ARHGAP15: variants seen among roughly 807,000 people sequenced by gnomAD.
ARHGAP15 encodes Rho GTPase activating protein 15.
Under a neutral mutation model 63.7 loss-of-function variants are expected in ARHGAP15, and 51 were observed. The observed-to-expected ratio is 0.80, with a 90% CI of 0.64 to 1.01. The LOEUF (loss-of-function observed/expected upper bound fraction) is 1.01. Ranked by LOEUF, ARHGAP15 falls within the 50% of genes least tolerant of loss-of-function variation. The pLI, the probability that ARHGAP15 is intolerant of heterozygous loss-of-function variation, is 0.00. For missense variants in ARHGAP15, 560 were observed against 564.6 expected (o/e 0.99, Z 0.08); for synonymous variants, 191 against 193.8 (o/e 0.99, Z 0.12).
chr2:143,569,927 G>T (rs1696383432), intron 11 of ARHGAP15, among the ~76,000 whole-genome samples: 1 of 151,918 alleles, frequency 6.6e-6, no homozygotes, highest in Admixed American at 6.6e-5. Flanking sequence ...AGTGTAGAGA[G>T]AAGAGTGGCC....
intron 9 of ARHGAP15, among the ~76,000 whole-genome samples, chr2:143,500,208 C>T (rs1317114876): frequency 1.3e-5 from 2 of 150,520 alleles, no homozygotes; most frequent in Admixed American, 6.6e-5. Flanking sequence ...TTTGATATTC[C>T]ATCAGGAAAT....
chr2:143,355,094 G>A (rs1259747368), intron 6 of ARHGAP15, among the ~76,000 whole-genome samples: 1 of 152,140 alleles, frequency 6.6e-6, no homozygotes, highest in East Asian at 1.9e-4. Context: ...TACCTAAACT[G>A]TCTCCAGTTT....
At chr2:143,355,890 T>A (rs757626613) in intron 6 of ARHGAP15, among the ~76,000 whole-genome samples, 7 of 152,168 alleles carry the variant, frequency 4.6e-5, no homozygotes, top group Non-Finnish European at 1.0e-4. Flanking sequence ...TTTACAAGCA[T>A]GATGGGTCTC....
chr2:143,237,809 TC>T (rs1183752655), intron 5 of ARHGAP15: 1 of 152,216 alleles, frequency 6.6e-6, no homozygotes, highest in Admixed American at 6.5e-5. Flanking sequence ...ATGGTGTGGT[TC>T]TAAAGCCAGT....
intron 8 of ARHGAP15, among the ~76,000 whole-genome samples, chr2:143,456,978 CATTT>C (rs758869685): frequency 1.3e-5 from 2 of 151,840 alleles, no homozygotes; most frequent in East Asian, 1.9e-4. Flanking sequence ...ATTAAACTAG[CATTT>C]ATTAATTTAA....
At chr2:143,414,767 C>T (rs1688606204) in intron 6 of ARHGAP15, among the ~76,000 whole-genome samples, 1 of 152,086 alleles carries the variant, frequency 6.6e-6, no homozygotes, top group Non-Finnish European at 1.5e-5. Flanking sequence ...AACCCTGTCT[C>T]TTGTAAAATA....
At chr2:143,453,829 G>A (rs1023771653) in intron 8 of ARHGAP15, among the ~76,000 whole-genome samples, 7 of 151,730 alleles carry the variant, frequency 4.6e-5, no homozygotes, top group African/African-American at 1.7e-4. Flanking sequence ...AAAGATAGGG[G>A]TCAATTTCTT....
intron 11 of ARHGAP15, among the ~76,000 whole-genome samples, chr2:143,602,577 AT>A (rs1193378824): frequency 6.6e-6 from 1 of 152,048 alleles, no homozygotes; most frequent in African/African-American, 2.4e-5. Flanking sequence ...AAGAGTAGAG[AT>A]TCCATGAAAG....
chr2:143,461,121 C>G (rs962752677), intron 8 of ARHGAP15, among the ~76,000 whole-genome samples: 24 of 151,656 alleles, frequency 1.6e-4, no homozygotes, highest in African/African-American at 5.3e-4. Context: ...GAAACCCTGT[C>G]TGTACTAAAA....
chr2:143,547,466 A>G (rs1235754812), intron 10 of ARHGAP15, among the ~76,000 whole-genome samples: 1 of 152,156 alleles, frequency 6.6e-6, no homozygotes, highest in Non-Finnish European at 1.5e-5. Context: ...AGCCTGATCC[A>G]TAAAGAATCA....
At chr2:143,733,128 T>C (rs1374672751) in intron 13 of ARHGAP15, among the ~76,000 whole-genome samples, 1 of 152,178 alleles carries the variant, frequency 6.6e-6, no homozygotes, top group African/African-American at 2.4e-5. Flanking sequence ...TCTCAGTTCA[T>C]GGGAACAAAC....
At chr2:143,745,195 G>T (rs982294326) in intron 13 of ARHGAP15, among the ~76,000 whole-genome samples, 1 of 152,198 alleles carries the variant, frequency 6.6e-6, no homozygotes, top group Non-Finnish European at 1.5e-5. Flanking sequence ...TTCCATAGAT[G>T]TATCTGGTTA....
At chr2:143,704,965 T>C (rs1684260174) in intron 13 of ARHGAP15, among the ~76,000 whole-genome samples, 2 of 152,234 alleles carry the variant, frequency 1.3e-5, no homozygotes, top group African/African-American at 4.8e-5. Context: ...CATTTTTGTA[T>C]GTATCCTTCC....
chr2:143,299,448 T>C (rs1213913209), intron 6 of ARHGAP15, among the ~76,000 whole-genome samples: 1 of 152,026 alleles, frequency 6.6e-6, no homozygotes, highest in Non-Finnish European at 1.5e-5. Context: ...GCTTTATTGA[T>C]GACATCTCAT....
At chr2:143,154,715 C>G (rs945594502) in intron 1 of ARHGAP15, among the ~76,000 whole-genome samples, 1 of 151,894 alleles carries the variant, frequency 6.6e-6, no homozygotes, top group Non-Finnish European at 1.5e-5. Flanking sequence ...CTCTACCAGT[C>G]CACCCTCTGG....
chr2:143,489,221 A>G (rs559212638), intron 9 of ARHGAP15, among the ~76,000 whole-genome samples: 30 of 152,302 alleles, frequency 2.0e-4, no homozygotes, highest in African/African-American at 7.2e-4. Flanking sequence ...AGTGCTCTAG[A>G]ATTGGTCTCA....
intron 8 of ARHGAP15, among the ~76,000 whole-genome samples, chr2:143,442,184 T>C (rs1689913935): frequency 6.6e-6 from 1 of 152,196 alleles, no homozygotes. Context: ...ATAATTATAA[T>C]ACTGGTCTTC....
intron 13 of ARHGAP15, among the ~76,000 whole-genome samples, chr2:143,713,149 T>A (rs1444681180): frequency 1.3e-5 from 2 of 152,164 alleles, no homozygotes; most frequent in Admixed American, 6.5e-5. Flanking sequence ...TACCCAAGGC[T>A]GGGAAGAAAA....
intron 4 of ARHGAP15, among the ~76,000 whole-genome samples, chr2:143,221,993 G>A (rs1383353236): frequency 1.3e-5 from 2 of 152,146 alleles, no homozygotes; most frequent in African/African-American, 2.4e-5. Flanking sequence ...TGCGCCTAAC[G>A]TCATCATATT....
Sources: allele counts gnomAD v4.1 joint callset (sites outside exome capture counted in the v4.1 genomes callset), GRCh38; gene constraint gnomAD v4.1.1; transcripts MANE v1.5; gene names NCBI Gene and HGNC (gene_info 2026-07-23, HGNC 2026-07-21).